The following HRH1 variants were observed in gnomAD, a reference collection of about 807,000 sequenced individuals.
The protein encoded by HRH1 is histamine receptor H1.
HRH1 carries 6 observed loss-of-function variants against 10.3 expected under a neutral mutation model. The observed-to-expected ratio is 0.58, with a 90% CI of 0.32 to 1.15. The LOEUF (loss-of-function observed/expected upper bound fraction) is 1.15. HRH1 is among the 50% of genes most tolerant of loss of function. HRH1 has a pLI of 0.05. For missense variants in HRH1, 514 were observed against 615.3 expected, an observed-to-expected ratio of 0.84 and a Z score of 1.74; for synonymous variants, 242 against 236.7, an observed-to-expected ratio of 1.02 and a Z score of -0.21.
At chr3:11,180,984 C>CACAA (rs1183568658) in intron 1 of HRH1, among the ~76,000 whole-genome samples, 2 of 151,334 alleles carry the variant, frequency 1.3e-5, no homozygotes. Context: ...CACACACACA[C>CACAA]ACACACACAC....
At chr3:11,172,461 A>C (rs1475030443) in intron 1 of HRH1, among the ~76,000 whole-genome samples, 2 of 152,236 alleles carry the variant, frequency 1.3e-5, no homozygotes, top group African/African-American at 4.8e-5. Context: ...TTAAAGCAAC[A>C]ATTTAGAACT....
At chr3:11,153,799 G>A (rs759965905), upstream of HRH1, among the ~76,000 whole-genome samples, 4 of 152,066 alleles carry the variant, frequency 2.6e-5, no homozygotes, top group Non-Finnish European at 4.4e-5. Flanking sequence ...GGTGGCACAG[G>A]TTGCTAATTA....
chr3:11,181,692 C>T (rs959563313), intron 1 of HRH1, among the ~76,000 whole-genome samples: 10 of 136,300 alleles, frequency 7.3e-5, no homozygotes, highest in African/African-American at 2.1e-4. Flanking sequence ...AGCGCAGTGG[C>T]GCGATCTTAG....
intron 1 of HRH1, among the ~76,000 whole-genome samples, chr3:11,191,367 G>A (rs61369231): frequency 0.015 from 2,268 of 152,222 alleles, 59 homozygotes; most frequent in African/African-American, 0.052. Context: ...GGGTCTTAGC[G>A]AAGGAAATGT....
intron 1 of HRH1, among the ~76,000 whole-genome samples, chr3:11,198,873 C>T (rs1321481750): frequency 6.6e-6 from 1 of 151,536 alleles, no homozygotes; most frequent in Non-Finnish European, 1.5e-5. Context: ...CCCACACCAC[C>T]CTGTGTATTG....
intron 1 of HRH1, among the ~76,000 whole-genome samples, chr3:11,196,209 C>T (rs929410545): frequency 3.9e-5 from 6 of 152,230 alleles, no homozygotes; most frequent in Non-Finnish European, 8.8e-5. Flanking sequence ...AGTCTCCAGC[C>T]TCATCCCTCC....
In HRH1 at chr3:11,144,853, A is replaced by C. The variant is rs762231435; in HGVS notation, c.-36+7454A>C. Among the ~76,000 whole-genome samples the C allele has an allele frequency of 4.6e-5, 7 of 152,232 alleles. No individual in the cohort carries two copies. The South Asian group carries it at 8.3e-4, about 18-fold the overall frequency. On this transcript the variant is annotated intron_variant, in intron 1 of 1. Coordinates refer to the HRH1 transcript ENST00000438284. ...GCCACTGCACTCCAGCCTGGGTGAC[A>C]GAGTGAGACTCCATCTCAAAAAATA...
chr3:11,184,492 C>T (rs559309130), intron 1 of HRH1, among the ~76,000 whole-genome samples: 40 of 152,164 alleles, frequency 2.6e-4, no homozygotes, highest in South Asian at 2.1e-3. Context: ...TGTCTGAGGT[C>T]GGCTTCCTCC....
intron 1 of HRH1, among the ~76,000 whole-genome samples, chr3:11,145,609 T>C (rs1284029519): frequency 6.6e-6 from 1 of 152,192 alleles, no homozygotes; most frequent in Non-Finnish European, 1.5e-5. Flanking sequence ...TGAGGGACAA[T>C]TTGCATATGG....
At chr3:11,219,960 T>TG (rs1559276289) in intron 1 of HRH1, among the ~76,000 whole-genome samples, 1 of 150,714 alleles carries the variant, frequency 6.6e-6, no homozygotes, top group Non-Finnish European at 1.5e-5. Context: ...GTTTTTTTTT[T>TG]TTTTTTTTTT....
rs752645952 is a variant in HRH1 at position 11,259,667 on chromosome 3, T to C, written c.630T>C (p.Tyr210=). Residue 210 remains tyrosine, a synonymous_variant, in exon 2 of 2, where the codon TAT becomes TAC. Transcript: ENST00000431010. The surrounding 1 kb of genome is among the most constrained non-coding windows in gnomAD (Gnocchi z 4.6). The part of the protein sequence containing the change: ...YLPTLLMLWF[Y]AKIYKAVRQH... ...CCACCTTGCTCATGCTCTGGTTCTA[T>C]GCCAAGATCTACAAGGCCGTACGAC... 2 of 1,613,894 alleles carry C rather than the reference T, an allele frequency of 1.2e-6. No individual in the cohort carries two copies. Among genetic ancestry groups the C allele is most frequent in the Non-Finnish European group, 1.7e-6 (2 of 1,179,992 alleles).
chr3:11,183,405 T>C (rs981035128), intron 1 of HRH1, among the ~76,000 whole-genome samples: 2 of 152,166 alleles, frequency 1.3e-5, no homozygotes, highest in Non-Finnish European at 2.9e-5. Context: ...TTTTTGGCTG[T>C]CAGAACTCAC....
At chr3:11,219,413 C>T (rs187934502) in intron 1 of HRH1, among the ~76,000 whole-genome samples, 1 of 152,046 alleles carries the variant, frequency 6.6e-6, no homozygotes, top group East Asian at 1.9e-4. Context: ...AGGTATTTTG[C>T]CACAGTTAAA....
intron 1 of HRH1, among the ~76,000 whole-genome samples, chr3:11,229,150 T>A (rs1938974985): frequency 6.6e-6 from 1 of 152,198 alleles, no homozygotes. Context: ...CTTTCCACCT[T>A]TCCTTTGTCC....
intron 1 of HRH1, among the ~76,000 whole-genome samples, chr3:11,224,514 G>A (rs1338833882): frequency 2.6e-5 from 4 of 152,128 alleles, no homozygotes; most frequent in Non-Finnish European, 4.4e-5. Context: ...TGGCTAACAC[G>A]GTGAAACCCG....
chr3:11,210,715 C>T (rs557779809), intron 1 of HRH1, among the ~76,000 whole-genome samples: 1 of 151,628 alleles, frequency 6.6e-6, no homozygotes, highest in Admixed American at 6.6e-5. Flanking sequence ...ATTGCTTGAG[C>T]TCGGGAGGCA....
At chr3:11,216,004 G>A (rs1287612567) in intron 1 of HRH1, among the ~76,000 whole-genome samples, 1 of 152,050 alleles carries the variant, frequency 6.6e-6, no homozygotes, top group Non-Finnish European at 1.5e-5. Context: ...TCCATGTTAG[G>A]GATCTATGAT....
At chr3:11,170,134 A>G (rs1008043492) in intron 1 of HRH1, among the ~76,000 whole-genome samples, 4 of 152,004 alleles carry the variant, frequency 2.6e-5, no homozygotes, top group Non-Finnish European at 5.9e-5. Flanking sequence ...CAGGTGAACG[A>G]CCCCTCTGAG....
At chr3:11,251,888 T>C (rs1367660404) in intron 1 of HRH1, among the ~76,000 whole-genome samples, 1 of 152,232 alleles carries the variant, frequency 6.6e-6, no homozygotes, top group East Asian at 1.9e-4. Flanking sequence ...CCGCTACAGA[T>C]TGAATGCATT....
Sources: gnomAD v4.1 joint callset for allele counts (sites outside exome capture counted in the v4.1 genomes callset) on GRCh38, gnomAD v4.1.1 for gene constraint, Gnocchi (gnomAD v3.1) non-coding constraint, MANE v1.5 for transcripts, NCBI Gene and HGNC (gene_info 2026-07-23, HGNC 2026-07-21) for gene names.